The following EXOC6B variants were observed in gnomAD, a reference collection of about 807,000 sequenced individuals.
The protein encoded by EXOC6B is SEC15 homolog B.
Under a neutral mutation model 113.5 loss-of-function variants are expected in EXOC6B, and 54 were observed. The observed-to-expected ratio is 0.48, with a 90% CI of 0.38 to 0.60. EXOC6B has a LOEUF of 0.60. Ranked by LOEUF, EXOC6B falls within the 20% of genes least tolerant of loss-of-function variation. EXOC6B has a pLI of 0.00. For synonymous variants in EXOC6B, 357 were observed against 339.0 expected, an observed-to-expected ratio of 1.05 and a Z score of -0.58; for missense variants, 797 against 977.5, an observed-to-expected ratio of 0.82 and a Z score of 2.46.
chr2:72,399,493 AAAG>A, intron 18 of EXOC6B, among the ~76,000 whole-genome samples: 1 of 152,282 alleles, frequency 6.6e-6, no homozygotes. Flanking sequence ...CCAAATAGAC[AAAG>A]AAGGAGTCAA....
At chr2:72,273,902 A>T (rs1226968892) in intron 20 of EXOC6B, among the ~76,000 whole-genome samples, 1 of 152,116 alleles carries the variant, frequency 6.6e-6, no homozygotes, top group Non-Finnish European at 1.5e-5. Context: ...ACTGAGAAAA[A>T]TATGTAAAAT....
chr2:72,207,264 T>C (rs147596352), intron 20 of EXOC6B, among the ~76,000 whole-genome samples: 147 of 152,332 alleles, frequency 9.6e-4, no homozygotes, highest in Non-Finnish European at 1.8e-3. Flanking sequence ...TGAAAATACT[T>C]GAATATACAT....
intron 20 of EXOC6B, among the ~76,000 whole-genome samples, chr2:72,208,740 A>C (rs1325116230): frequency 6.6e-6 from 1 of 152,140 alleles, no homozygotes; most frequent in African/African-American, 2.4e-5. Context: ...CAAAAACACC[A>C]GTTCCAAAGA....
At position 72,671,313 on chromosome 2, in the gene EXOC6B, T is replaced by C. The variant is rs374863390; in HGVS notation, c.669+46790A>G. ...CATATAAGGAGCTCAAACAACTCAATAGTAAAACAAAATCTCATTTAAAAA... is the reference window on the plus strand; with the variant it reads ...CATATAAGGAGCTCAAACAACTCAACAGTAAAACAAAATCTCATTTAAAAA... On this transcript the variant is annotated intron_variant, in intron 6 of 21. Coordinates refer to ENST00000272427, the MANE Select transcript of EXOC6B (RefSeq NM_015189.3). 2.6e-4 allele frequency among the ~76,000 whole-genome samples: 39 copies of C among 152,184 alleles called. 2 individuals are homozygous for C. The highest frequency in any genetic ancestry group is 5.1e-4 in the African/African-American group (21 of 41,512).
intron 17 of EXOC6B, among the ~76,000 whole-genome samples, chr2:72,468,566 CA>C (rs1348839735): frequency 6.6e-6 from 1 of 152,164 alleles, no homozygotes; most frequent in East Asian, 1.9e-4. Context: ...ATTTTGAAGT[CA>C]GGTAGACTGA....
intron 18 of EXOC6B, among the ~76,000 whole-genome samples, chr2:72,400,400 A>C (rs2105154820): frequency 6.6e-6 from 1 of 152,266 alleles, no homozygotes; most frequent in Middle Eastern, 3.4e-3. Flanking sequence ...AGATCTCAAA[A>C]GCAAATAGAA....
intron 2 of EXOC6B, 133 bp downstream of exon 2, chr2:72,741,171 G>T: frequency 1.2e-6 from 1 of 856,940 alleles, no homozygotes; most frequent in Non-Finnish European, 1.7e-6. Context: ...GTACGTTTCA[G>T]TATAAATTCC....
At chr2:72,392,933 G>A (rs545070500) in intron 18 of EXOC6B, among the ~76,000 whole-genome samples, 82 of 152,082 alleles carry the variant, frequency 5.4e-4, no homozygotes, top group African/African-American at 1.8e-3. Context: ...TCTCTGCTAC[G>A]TAATTTCTAG....
intron 1 of EXOC6B, among the ~76,000 whole-genome samples, chr2:72,750,829 A>G (rs1196698915): frequency 6.6e-6 from 1 of 152,148 alleles, no homozygotes; most frequent in African/African-American, 2.4e-5. Context: ...CTCCAGAGAA[A>G]TATACCTTAA....
At chr2:72,499,832 T>C (rs1573265228) in intron 12 of EXOC6B, 69 bp downstream of exon 12, 2 of 1,108,922 alleles carry the variant, frequency 1.8e-6, no homozygotes, top group Non-Finnish European at 2.7e-6. Context: ...CCAGACCCAG[T>C]CAAGAAAAAG....
intron 8 of EXOC6B, among the ~76,000 whole-genome samples, chr2:72,556,247 C>T (rs1280622193): frequency 6.6e-6 from 1 of 152,186 alleles, no homozygotes; most frequent in Non-Finnish European, 1.5e-5. Flanking sequence ...AAGAGCTATG[C>T]CTGGGAAAGC....
intron 20 of EXOC6B, among the ~76,000 whole-genome samples, chr2:72,209,223 C>CAAAAA (rs1170760516): frequency 0.014 from 800 of 55,388 alleles, 1 homozygote; most frequent in East Asian, 0.034. Flanking sequence ...AACTCAGTCT[C>CAAAAA]AAAAAAAAAA....
intron 6 of EXOC6B, among the ~76,000 whole-genome samples, chr2:72,648,410 C>T (rs1194380224): frequency 2.6e-5 from 4 of 152,192 alleles, no homozygotes; most frequent in Non-Finnish European, 4.4e-5. Flanking sequence ...TACCATTTGA[C>T]CCAGCCATCC....
At chr2:72,658,746 A>C (rs546860407) in intron 6 of EXOC6B, among the ~76,000 whole-genome samples, 1 of 152,182 alleles carries the variant, frequency 6.6e-6, no homozygotes, top group African/African-American at 2.4e-5. Flanking sequence ...ATATAGTTTT[A>C]TTATTTTATA....
chr2:72,430,770 C>T (rs920022547), intron 18 of EXOC6B, among the ~76,000 whole-genome samples: 9 of 152,178 alleles, frequency 5.9e-5, no homozygotes, highest in East Asian at 5.8e-4. Flanking sequence ...AATAAATAAC[C>T]TTGATTAAAG....
chr2:72,349,289 G>C (rs570113472), intron 19 of EXOC6B, among the ~76,000 whole-genome samples: 1 of 152,294 alleles, frequency 6.6e-6, no homozygotes, highest in African/African-American at 2.4e-5. Flanking sequence ...GGAATTTCCT[G>C]AGTGATGGAA....
intron 1 of EXOC6B, among the ~76,000 whole-genome samples, chr2:72,769,656 A>G (rs565397759): frequency 1.3e-5 from 2 of 152,266 alleles, no homozygotes; most frequent in East Asian, 3.9e-4. Flanking sequence ...TACTAAAAAT[A>G]CAAAAATTAG....
At chr2:72,246,492 T>C (rs1209789189) in intron 20 of EXOC6B, among the ~76,000 whole-genome samples, 1 of 150,570 alleles carries the variant, frequency 6.6e-6, no homozygotes, top group African/African-American at 2.5e-5. Context: ...CTCTCTGGAA[T>C]AGGTTAACTA....
intron 6 of EXOC6B, among the ~76,000 whole-genome samples, chr2:72,629,393 T>C (rs1291973194): frequency 6.6e-6 from 1 of 152,188 alleles, no homozygotes; most frequent in Non-Finnish European, 1.5e-5. Context: ...ATTTAAGATA[T>C]AAGAATAGAA....
Sources: allele counts gnomAD v4.1 joint callset (sites outside exome capture counted in the v4.1 genomes callset), GRCh38; gene constraint gnomAD v4.1.1; transcripts MANE v1.5; gene names NCBI Gene and HGNC (gene_info 2026-07-23, HGNC 2026-07-21).